Variants in RORA observed in about 807,000 individuals in gnomAD.
RORA encodes RAR related orphan receptor A, also known as nuclear receptor ROR-alpha.
RORA carries 7 observed loss-of-function variants against 69.5 expected under a neutral mutation model. The ratio of observed to expected loss-of-function variants is 0.10; its 90% CI spans 0.06 to 0.19. RORA has a LOEUF of 0.19. RORA is among the 10% of genes least tolerant of loss of function. RORA has a pLI of 1.00. For missense variants in RORA, 457 were observed against 663.0 expected, an observed-to-expected ratio of 0.69 and a Z score of 3.41; for synonymous variants, 261 against 240.8, an observed-to-expected ratio of 1.08 and a Z score of -0.78.
intron 1 of RORA, among the ~76,000 whole-genome samples, chr15:60,878,665 A>T (rs1169010363): frequency 6.6e-6 from 1 of 152,092 alleles, no homozygotes; most frequent in East Asian, 1.9e-4. Context: ...ATCTTAACTT[A>T]CTATTATTGC....
At position 61,048,099 on chromosome 15, in the gene RORA, G is replaced by A. The variant is rs1363013342; in HGVS notation, c.166+180954C>T. ...GTGTGTAACCTGGGTGTTCAAAACT[G>A]TACAACAGTTTCTGTGTACTTTAAG... On this transcript the variant is annotated intron_variant, in intron 1 of 10. Coordinates refer to ENST00000335670, the MANE Select transcript of RORA (RefSeq NM_134261.3). Among the ~76,000 whole-genome samples the A allele has an allele frequency of 2.0e-5, 3 of 152,170 alleles. No homozygotes were observed. The East Asian group carries it at 5.8e-4, about 29-fold the overall frequency.
chr15:60,506,973 C>T (rs527448350), intron 5 of RORA, among the ~76,000 whole-genome samples: 2 of 150,770 alleles, frequency 1.3e-5, no homozygotes, highest in African/African-American at 4.9e-5. Flanking sequence ...GGCAATAGAG[C>T]GAGACTCCCT....
intron 1 of RORA, among the ~76,000 whole-genome samples, chr15:60,839,438 C>T (rs777329031): frequency 6.6e-6 from 1 of 152,030 alleles, no homozygotes; most frequent in African/African-American, 2.4e-5. Flanking sequence ...TGGCAAAAAA[C>T]GAAATTACTT....
intron 1 of RORA, among the ~76,000 whole-genome samples, chr15:60,686,082 G>A (rs1443220304): frequency 6.6e-6 from 1 of 152,058 alleles, no homozygotes; most frequent in Non-Finnish European, 1.5e-5. Context: ...ATTTGTGATT[G>A]CTCTCCATCT....
In RORA at chr15:61,181,936, C is replaced by G. The variant is rs2079690803; in HGVS notation, c.166+47117G>C. On this transcript the variant is annotated intron_variant, in intron 1 of 10. Transcript: ENST00000335670. The stretch of plus-strand genomic sequence containing the variant: ...CTTGAACATAAAGAGCTTGTCCTTT[C>G]TTACAGCCATCCACTATAATTGGAT... Among the ~76,000 whole-genome samples, 3 of 152,144 alleles carry G rather than the reference C, an allele frequency of 2.0e-5. No individual in the cohort carries two copies. In the South Asian group the frequency reaches 6.2e-4, roughly 32 times the overall value.
chr15:60,848,394 G>A (rs2073289766), intron 1 of RORA: 1 of 152,404 alleles, frequency 6.6e-6, no homozygotes, highest in Non-Finnish European at 1.5e-5. Context: ...GAGGGAGGAA[G>A]GGGAGTCAGA....
intron 3 of RORA, among the ~76,000 whole-genome samples, chr15:60,517,977 T>C (rs2066022041): frequency 6.6e-6 from 1 of 152,188 alleles, no homozygotes; most frequent in South Asian, 2.1e-4. Flanking sequence ...TAGGCTCTTT[T>C]CCACCTTGCA....
intron 1 of RORA, chr15:61,038,745 T>C (rs1409412325): frequency 6.6e-6 from 1 of 152,248 alleles, no homozygotes; most frequent in Non-Finnish European, 1.5e-5. Flanking sequence ...ATAATTGTTA[T>C]GATACTGATG....
Position 60,640,674 on chromosome 15 carries a change from C to G in RORA, c.196+37983G>C, listed in dbSNP as rs562478179. Among the ~76,000 whole-genome samples, 3 of 152,048 alleles carry G rather than the reference C, an allele frequency of 2.0e-5. No homozygotes were observed. In the South Asian group the frequency reaches 6.2e-4, roughly 32 times the overall value. On this transcript the variant is annotated intron_variant, in intron 2 of 10. Transcript: ENST00000335670. ...GCCCTTTTCAGTTTCCAGAACACTC[C>G]AAGTTTATTTCTACCGCAGGGCCTT... is the stretch of plus-strand genomic sequence containing the variant.
chr15:60,990,717 C>T (rs1295562708), intron 1 of RORA, among the ~76,000 whole-genome samples: 1 of 152,156 alleles, frequency 6.6e-6, no homozygotes, highest in African/African-American at 2.4e-5. Flanking sequence ...CATCCAAGCC[C>T]AAACACCCAC....
chr15:60,682,863 G>C (rs1231476470), intron 1 of RORA, among the ~76,000 whole-genome samples: 1 of 152,210 alleles, frequency 6.6e-6, no homozygotes, highest in East Asian at 1.9e-4. Flanking sequence ...GGACTTGATA[G>C]AATTGTGGTG....
intron 1 of RORA, among the ~76,000 whole-genome samples, chr15:60,901,564 C>T (rs1397380933): frequency 6.6e-6 from 1 of 152,142 alleles, no homozygotes; most frequent in Non-Finnish European, 1.5e-5. Context: ...AAATTACACC[C>T]AAATAACTTA....
chr15:60,556,297 A>G (rs1468569362), intron 2 of RORA, among the ~76,000 whole-genome samples: 1 of 152,184 alleles, frequency 6.6e-6, no homozygotes, highest in East Asian at 1.9e-4. Context: ...CCAAGTGAAA[A>G]TACATTCTAA....
chr15:60,653,295 ATGCG>A (rs904195989), intron 2 of RORA, among the ~76,000 whole-genome samples: 3 of 122,626 alleles, frequency 2.4e-5, no homozygotes, highest in East Asian at 2.7e-4. Context: ...GTACAGGTGC[ATGCG>A]TGTGTGTGTG....
chr15:61,190,311 G>T (rs1276846922), intron 1 of RORA, among the ~76,000 whole-genome samples: 1 of 152,142 alleles, frequency 6.6e-6, no homozygotes, highest in Non-Finnish European at 1.5e-5. Flanking sequence ...ACACCAATAA[G>T]TTCTATAAAA....
chr15:60,757,410 A>C (rs1271589486), intron 1 of RORA, among the ~76,000 whole-genome samples: 1 of 152,196 alleles, frequency 6.6e-6, no homozygotes, highest in Non-Finnish European at 1.5e-5. Context: ...CTGCCACCTT[A>C]CACAGTCAAA....
rs1333889408 is a variant in RORA, at chr15:60,489,908, A to G, written c.*7547T>C. Reference sequence around the variant, plus strand: ...CTTTAGGATCTTGAAGGCCTGGCAAATTATTTTTCAGCTTAGGAGATATGC... The same window carrying G: ...CTTTAGGATCTTGAAGGCCTGGCAAGTTATTTTTCAGCTTAGGAGATATGC... On this transcript the variant is annotated 3_prime_UTR_variant, in exon 11 of 11. Coordinates refer to ENST00000335670, the MANE Select transcript of RORA (RefSeq NM_134261.3). 4 of 152,124 alleles carry G rather than the reference A, an allele frequency of 2.6e-5. No homozygotes were observed. The highest frequency in any genetic ancestry group is 9.7e-5 in the African/African-American group (4 of 41,422). 9.4% of individuals were successfully genotyped at this position (152,124 alleles called of 1,614,324 possible).
At chr15:60,972,015 C>T (rs566542266) in intron 1 of RORA, among the ~76,000 whole-genome samples, 1 of 152,292 alleles carries the variant, frequency 6.6e-6, no homozygotes, top group East Asian at 1.9e-4. Context: ...TCATGCCTCC[C>T]GAATTCATGC....
rs1386454855 is a variant in RORA, at chr15:60,857,976, A to G, written c.167-179290T>C. Among the ~76,000 whole-genome samples the G allele has an allele frequency of 6.6e-5, 10 of 152,324 alleles. No individual in the cohort carries two copies. The East Asian group carries it at 1.9e-3, about 29-fold the overall frequency. ...TCAGGGTAAGAGTGAGGACTCTGAG[A>G]TCGGTCACACTGGGGTTTGCAACCC... On this transcript the variant is annotated intron_variant, in intron 1 of 10. Transcript: ENST00000335670.
Sources: gnomAD v4.1 joint callset for allele counts (sites outside exome capture counted in the v4.1 genomes callset) on GRCh38, gnomAD v4.1.1 for gene constraint, MANE v1.5 for transcripts, NCBI Gene and HGNC (gene_info 2026-07-23, HGNC 2026-07-21) for gene names.